CDH19: variants seen among roughly 807,000 people sequenced by gnomAD.
CDH19 encodes the protein cadherin 19, also known as cadherin-19.
Under a neutral mutation model 64.2 loss-of-function variants are expected in CDH19, and 67 were observed. The ratio of observed to expected loss-of-function variants is 1.04; its 90% CI spans 0.86 to 1.28. The LOEUF (loss-of-function observed/expected upper bound fraction) is 1.28. Among genes scored for constraint, CDH19 ranks in the 50% most tolerant of loss-of-function variants. The probability of loss-of-function intolerance (pLI) is 0.00; values close to 1 mark genes in which losing one functional copy is unlikely to be tolerated. For synonymous variants in CDH19, 346 were observed against 319.3 expected (o/e 1.08, Z -0.89); for missense variants, 1,030 against 929.0 (o/e 1.11, Z -1.41).
At chr18:66,573,059 A>G (rs1400575229) in intron 1 of CDH19, among the ~76,000 whole-genome samples, 1 of 151,696 alleles carries the variant, frequency 6.6e-6, no homozygotes, top group African/African-American at 2.4e-5. Context: ...TTAAAACAAA[A>G]GACTCTGGCT....
intron 1 of CDH19, among the ~76,000 whole-genome samples, chr18:66,596,745 C>T (rs1389965881): frequency 6.6e-6 from 1 of 151,932 alleles, no homozygotes; most frequent in Non-Finnish European, 1.5e-5. Flanking sequence ...AGTTTCAATG[C>T]TATTTTTATC....
chr18:66,591,516 A>C (rs1370509120), intron 1 of CDH19, among the ~76,000 whole-genome samples: 3 of 151,926 alleles, frequency 2.0e-5, no homozygotes, highest in Non-Finnish European at 2.9e-5. Flanking sequence ...CACAGTTTCT[A>C]TTATGTAAAA....
intron 11 of CDH19, 119 bp from the exon 12 acceptor site, chr18:66,505,421 A>C: frequency 1.3e-6 from 1 of 774,398 alleles, no homozygotes; most frequent in Non-Finnish European, 1.8e-6. Context: ...ATAAAACAAA[A>C]AGATACATTT....
rs769909255 is a variant in CDH19, at chr18:66,544,135, A to G, written c.1050T>C (p.Thr350=). Residue 350 remains threonine, a synonymous_variant, in exon 7 of 12, where the codon ACT becomes ACC. Coordinates refer to ENST00000262150, the MANE Select transcript of CDH19 (RefSeq NM_021153.4). Reference sequence around the variant, plus strand: ...TCTTAATGAAAGTGGTGGAAGCCTCAGTGTGGTACTTCATGAGCTGCTCAG... The same window carrying G: ...TCTTAATGAAAGTGGTGGAAGCCTCGGTGTGGTACTTCATGAGCTGCTCAG... ...HVPEQLMKYH[T]EASTTFIKIQ... 2 of 1,614,026 alleles carry G rather than the reference A, an allele frequency of 1.2e-6. No homozygotes were observed. The highest frequency in any genetic ancestry group is 1.6e-4 in the Middle Eastern group (1 of 6,062).
chr18:66,585,079 A>G (rs1035780786), intron 1 of CDH19, among the ~76,000 whole-genome samples: 1 of 152,074 alleles, frequency 6.6e-6, no homozygotes, highest in Non-Finnish European at 1.5e-5. Flanking sequence ...TTGAATACAA[A>G]CATTAAAAAA....
At chr18:66,524,170 TA>T (rs1986115909) in intron 9 of CDH19, among the ~76,000 whole-genome samples, 2 of 152,282 alleles carry the variant, frequency 1.3e-5, no homozygotes, top group African/African-American at 4.8e-5. Context: ...GTAGATAGCT[TA>T]TTTTTTTCTT....
rs371272797 is a variant in CDH19 at position 66,504,853 on chromosome 18, A to G, written c.2278T>C (p.Leu760=). ...ACTGCAGAACCAAACATGCATGCTA[A>G]TCTTTTAAAGCGAGGTCCCAACTCA... is the stretch of plus-strand genomic sequence containing the variant. ...LNELGPRFKR[L]ACMFGSAVQS... Residue 760 remains leucine (L), a synonymous_variant, in exon 12 of 12, where the codon TTA becomes CTA. Transcript: ENST00000262150. The G allele has an allele frequency of 2.5e-5, 40 of 1,608,946 alleles. No homozygotes were observed. In the African/African-American group the frequency reaches 5.1e-4, roughly 20 times the overall value.
chr18:66,530,544 GT>G (rs1353233071), intron 8 of CDH19, among the ~76,000 whole-genome samples: 3 of 151,788 alleles, frequency 2.0e-5, no homozygotes, highest in African/African-American at 7.3e-5. Context: ...TCTAAATAAA[GT>G]TTTTATATAA....
intron 3 of CDH19, among the ~76,000 whole-genome samples, chr18:66,555,294 G>A (rs976855566): frequency 6.6e-6 from 1 of 151,700 alleles, no homozygotes; most frequent in South Asian, 2.1e-4. Context: ...TTGAAACACT[G>A]TTTACTGTGT....
At chr18:66,536,940 C>A (rs1986698272) in intron 7 of CDH19, among the ~76,000 whole-genome samples, 1 of 151,620 alleles carries the variant, frequency 6.6e-6, no homozygotes, top group Non-Finnish European at 1.5e-5. Context: ...ACCATCATGA[C>A]CTCAGCAAAA....
chr18:66,550,604 G>A (rs1304712687), intron 5 of CDH19, among the ~76,000 whole-genome samples: 1 of 152,086 alleles, frequency 6.6e-6, no homozygotes, highest in Non-Finnish European at 1.5e-5. Flanking sequence ...GGGTTAGAGG[G>A]TTGTCAGTGT....
At chr18:66,556,093 T>A (rs1470312745) in intron 3 of CDH19, among the ~76,000 whole-genome samples, 1 of 151,738 alleles carries the variant, frequency 6.6e-6, no homozygotes, top group African/African-American at 2.4e-5. Flanking sequence ...GATAGAAATA[T>A]GTCATACAGT....
intron 7 of CDH19, among the ~76,000 whole-genome samples, chr18:66,536,137 G>T (rs1367902224): frequency 1.3e-5 from 2 of 151,166 alleles, no homozygotes; most frequent in Non-Finnish European, 3.0e-5. Context: ...AAATTAAAGA[G>T]CAATAATAAC....
chr18:66,572,078 G>T lies in CDH19; in HGVS notation c.127C>A (p.Arg43Ser), dbSNP rs780796077. 4 of 1,611,286 alleles carry T rather than the reference G, an allele frequency of 2.5e-6. No homozygotes were observed. The African/African-American group carries it at 4.0e-5, about 16-fold the overall frequency. ...QPVRSHLRVK[R>S]GWVWNQFFVP... ...AAAAATTGGTTCCACACCCAGCCACGCTTCACTCTCAAATGAGATCGCACT... is the reference window on the plus strand; with the variant it reads ...AAAAATTGGTTCCACACCCAGCCACTCTTCACTCTCAAATGAGATCGCACT... Residue 43 changes from arginine (R) to serine (S), a missense_variant, in exon 2 of 12, where the codon CGT becomes AGT. Transcript: ENST00000262150.
At chr18:66,541,594 G>C (rs980639807) in intron 7 of CDH19, among the ~76,000 whole-genome samples, 1 of 151,972 alleles carries the variant, frequency 6.6e-6, no homozygotes, top group African/African-American at 2.4e-5. Context: ...GTTAAATCAA[G>C]CTATATCATA....
At chr18:66,532,969 C>T (rs1986513943) in intron 8 of CDH19, among the ~76,000 whole-genome samples, 1 of 152,022 alleles carries the variant, frequency 6.6e-6, no homozygotes, top group African/African-American at 2.4e-5. Context: ...ACCTGCTTGA[C>T]CACATAAAAA....
chr18:66,600,242 G>C (rs1989004981), intron 1 of CDH19, among the ~76,000 whole-genome samples: 1 of 151,830 alleles, frequency 6.6e-6, no homozygotes, highest in Non-Finnish European at 1.5e-5. Context: ...TATACAGACA[G>C]CTAGAATATG....
intron 5 of CDH19, among the ~76,000 whole-genome samples, chr18:66,545,375 C>A (rs907076525): frequency 2.0e-5 from 3 of 151,490 alleles, no homozygotes; most frequent in African/African-American, 7.3e-5. Context: ...TCTCTTTTTT[C>A]TTTCTCTTTT....
At chr18:66,573,922 CAA>C (rs1491460100) in intron 1 of CDH19, among the ~76,000 whole-genome samples, 3 of 144,480 alleles carry the variant, frequency 2.1e-5, no homozygotes, top group East Asian at 3.9e-4. Flanking sequence ...CACACACACA[CAA>C]GTATACATGT....
Sources: allele counts gnomAD v4.1 joint callset (sites outside exome capture counted in the v4.1 genomes callset), GRCh38; gene constraint gnomAD v4.1.1; transcripts MANE v1.5; gene names NCBI Gene and HGNC (gene_info 2026-07-23, HGNC 2026-07-21).